Variants in RXFP2 observed in about 807,000 individuals in gnomAD.
The protein encoded by RXFP2 is relaxin family peptide receptor 2.
Under a neutral mutation model 88.6 loss-of-function variants are expected in RXFP2, and 68 were observed. The ratio of observed to expected loss-of-function variants is 0.77; its 90% CI spans 0.63 to 0.94. The LOEUF (loss-of-function observed/expected upper bound fraction) is 0.94, where lower values mean the gene tolerates loss of function less well. RXFP2 is among the 40% of genes least tolerant of loss of function. The pLI is 0.00. For synonymous variants in RXFP2, 329 were observed against 306.8 expected (o/e 1.07, Z -0.76); for missense variants, 791 against 893.9 (o/e 0.88, Z 1.47).
chr13:31,769,063 A>G (rs1345469901), intron 5 of RXFP2, among the ~76,000 whole-genome samples: 1 of 152,212 alleles, frequency 6.6e-6, no homozygotes, highest in Non-Finnish European at 1.5e-5. Context: ...ATTTATTGAT[A>G]CCTACAAGGT....
chr13:31,767,755 G>A (rs1226467604), intron 5 of RXFP2, among the ~76,000 whole-genome samples: 1 of 152,164 alleles, frequency 6.6e-6, no homozygotes, highest in Non-Finnish European at 1.5e-5. Context: ...CCAAGGTAGT[G>A]CTTACTTTAC....
At chr13:31,751,160 C>T (rs7322563) in intron 1 of RXFP2, among the ~76,000 whole-genome samples, 52,140 of 151,806 alleles carry the variant, frequency 0.34, 10,054 homozygotes, top group Admixed American at 0.45. Context: ...AGTGTGTTGG[C>T]GCATGCCTGT....
At chr13:31,755,327 C>T (rs1229432965) in intron 1 of RXFP2, among the ~76,000 whole-genome samples, 1 of 152,042 alleles carries the variant, frequency 6.6e-6, no homozygotes, top group Non-Finnish European at 1.5e-5. Context: ...AAGCTCATCC[C>T]ACATAACTTT....
In RXFP2 at chr13:31,774,486, C is replaced by A. The variant is rs1419555502; in HGVS notation, c.498-134C>A. 2.0e-5 allele frequency: 14 copies of A among 693,054 alleles called. No individual in the cohort carries two copies. The Admixed American group carries it at 2.8e-4, about 14-fold the overall frequency. The allele number at this position is 693,054 out of a possible 1,614,324, so 42.9% of individuals were successfully genotyped here. A position where few individuals can be genotyped will look rare whatever the true frequency, so the allele number is the denominator to read the frequency against. ...TAGCCATTTCTCACTGACAACATCT[C>A]CCCAACATGAGAATAGGACTTCGTA... is the stretch of plus-strand genomic sequence containing the variant. On this transcript the variant is annotated intron_variant, in intron 5 of 17. Coordinates refer to ENST00000298386, the MANE Select transcript of RXFP2 (RefSeq NM_130806.5).
chr13:31,744,570 T>C (rs1294631232), intron 1 of RXFP2, among the ~76,000 whole-genome samples: 1 of 152,230 alleles, frequency 6.6e-6, no homozygotes, highest in African/African-American at 2.4e-5. Flanking sequence ...CTGTGCCATA[T>C]TATTCTCGAG....
intron 1 of RXFP2, among the ~76,000 whole-genome samples, chr13:31,756,504 C>T (rs1470474606): frequency 6.6e-6 from 1 of 152,224 alleles, no homozygotes; most frequent in Non-Finnish European, 1.5e-5. Context: ...AGCCTTCAGC[C>T]AAAGTGCGTG....
chr13:31,797,285 C>T lies in RXFP2; in HGVS notation c.1871C>T (p.Thr624Ile). 6.2e-7 allele frequency: 1 copy of T among 1,613,950 alleles called. No homozygotes were observed. The highest frequency in any genetic ancestry group is 1.3e-5 in the African/African-American group (1 of 75,020). The stretch of plus-strand genomic sequence containing the variant: ...ATTCAAAAAACCGCCTTGCAGACCA[C>T]AGAAGTAAGGAATTGTTTTGGAAGA... ...CSIQKTALQT[T>I]EVRNCFGREV... Residue 624 changes from threonine (T) to isoleucine (I), a missense_variant, in exon 17 of 18, where the codon ACA becomes ATA. Physicochemically the swap from Thr to Ile is moderately conservative, Grantham distance 89. Transcript: ENST00000298386.
intron 14 of RXFP2, among the ~76,000 whole-genome samples, chr13:31,790,830 G>A (rs1223479140): frequency 6.6e-6 from 1 of 152,084 alleles, no homozygotes; most frequent in Non-Finnish European, 1.5e-5. Flanking sequence ...CAGTATCCAG[G>A]GGAAGAATCT....
At chr13:31,779,923 T>C (rs558602058) in intron 9 of RXFP2, among the ~76,000 whole-genome samples, 1 of 152,242 alleles carries the variant, frequency 6.6e-6, no homozygotes, top group African/African-American at 2.4e-5. Context: ...TGTGCCACTA[T>C]TAAAAACGGA....
intron 5 of RXFP2, among the ~76,000 whole-genome samples, chr13:31,774,399 A>T (rs953646328): frequency 2.0e-5 from 3 of 152,192 alleles, no homozygotes; most frequent in African/African-American, 7.2e-5. Context: ...AGTTCAGCGT[A>T]TGAATCAGAG....
rs573129334 is a variant in RXFP2 at position 31,783,804 on chromosome 13, G to GT, written c.929+1060dup. 1.1e-3 allele frequency among the ~76,000 whole-genome samples: 160 copies of GT among 151,570 alleles called. 1 individual carries two copies. The highest frequency in any genetic ancestry group is 3.7e-3 in the African/African-American group (151 of 41,324). ...GGACAAACAGAGGGGTTTTTTGTTT[G>GT]TTTGTTTGTTTTGTTTTGTTTTGTT... On this transcript the variant is annotated intron_variant, in intron 11 of 17. Coordinates refer to ENST00000298386, the MANE Select transcript of RXFP2 (RefSeq NM_130806.5).
chr13:31,762,404 GA>G (rs137878724), intron 3 of RXFP2, among the ~76,000 whole-genome samples: 2,296 of 152,358 alleles, frequency 0.015, 29 homozygotes, highest in African/African-American at 0.035. Flanking sequence ...ACTGGGGTCA[GA>G]AGATGCGCAG....
At chr13:31,775,479 T>C in intron 7 of RXFP2, 90 bp downstream of exon 7, 1 of 974,324 alleles carries the variant, frequency 1.0e-6, no homozygotes, top group South Asian at 1.3e-5. Flanking sequence ...ATTTGACATA[T>C]CTTATTTTTA....
chr13:31,758,217 G>A (rs1299795345), intron 1 of RXFP2, 41 bp from the exon 2 acceptor site: 2 of 1,611,842 alleles, frequency 1.2e-6, no homozygotes, highest in Non-Finnish European at 1.7e-6. Context: ...GAGAGAGCTT[G>A]GCCATGGTAA....
intron 14 of RXFP2, 39 bp downstream of exon 14, chr13:31,789,232 A>C: frequency 5.7e-6 from 7 of 1,228,910 alleles, no homozygotes; most frequent in Non-Finnish European, 8.4e-6. Flanking sequence ...AGCATGGTAA[A>C]ATGCTTCAAA....
chr13:31,776,458 A>G (rs1872988961), intron 7 of RXFP2, among the ~76,000 whole-genome samples: 1 of 151,168 alleles, frequency 6.6e-6, no homozygotes, highest in African/African-American at 2.4e-5. Flanking sequence ...GGTGGGTCTC[A>G]CCATGTTGCC....
At chr13:31,799,482 T>C (rs1345031514) in intron 17 of RXFP2, among the ~76,000 whole-genome samples, 1 of 152,200 alleles carries the variant, frequency 6.6e-6, no homozygotes, top group African/African-American at 2.4e-5. Context: ...CCTAAAGTGC[T>C]GGGATTACAA....
At chr13:31,780,013 G>A (rs1439394527) in intron 9 of RXFP2, among the ~76,000 whole-genome samples, 45 of 152,132 alleles carry the variant, frequency 3.0e-4, no homozygotes, top group Non-Finnish European at 8.8e-5. Context: ...TATACACAAT[G>A]GGAAACACAC....
chr13:31,799,755 G>A (rs1874241507), intron 17 of RXFP2, among the ~76,000 whole-genome samples: 1 of 152,088 alleles, frequency 6.6e-6, no homozygotes, highest in Admixed American at 6.5e-5. Context: ...TCTGTATGAG[G>A]CCACTAGGAC....
Sources: allele counts gnomAD v4.1 joint callset (sites outside exome capture counted in the v4.1 genomes callset), GRCh38; gene constraint gnomAD v4.1.1; transcripts MANE v1.5; gene names NCBI Gene and HGNC (gene_info 2026-07-23, HGNC 2026-07-21).